ABCA8: variants seen among roughly 807,000 people sequenced by gnomAD.
ABCA8 encodes ATP binding cassette subfamily A member 8.
A neutral mutation model predicts 192.3 loss-of-function variants in ABCA8; 177 were observed. The ratio of observed to expected loss-of-function variants is 0.92; its 90% CI spans 0.81 to 1.04. The LOEUF is 1.04. Among genes scored for constraint, ABCA8 ranks in the 50% least tolerant of loss-of-function variants. The pLI is 0.00. For synonymous variants in ABCA8, 642 were observed against 690.2 expected (o/e 0.93, Z 1.09); for missense variants, 1,915 against 1,904.8 (o/e 1.01, Z -0.10).
At chr17:68,936,683 T>C (rs936700225) in intron 5 of ABCA8, among the ~76,000 whole-genome samples, 1 of 152,084 alleles carries the variant, frequency 6.6e-6, no homozygotes, top group African/African-American at 2.4e-5. Context: ...TTCCATATAA[T>C]ATCTATGTGT....
intron 18 of ABCA8, 46 bp from the exon 19 acceptor site, chr17:68,906,209 T>C: frequency 7.2e-7 from 1 of 1,398,112 alleles, no homozygotes; most frequent in East Asian, 2.5e-5. Flanking sequence ...GAATCACAAG[T>C]GAACTGAAGA....
rs114168936 is a variant in ABCA8, at chr17:68,890,517, A to G, written c.3144+972T>C. Among the ~76,000 whole-genome samples the G allele has an allele frequency of 7.7e-3, 1,173 of 152,052 alleles. 18 individuals carry two copies. Among genetic ancestry groups the G allele is most frequent in the African/African-American group, 0.027 (1,119 of 41,490 alleles). ...TTGCCTTTTATTTTATTTTTAAATT[A>G]TTTAATTAATTTATTTTTTGAGATG... On this transcript the variant is annotated intron_variant, in intron 24 of 39. Transcript: ENST00000586539.
rs569078822 is a variant in ABCA8 at position 68,899,052 on chromosome 17, T to C, written c.2764+3661A>G. ...GTAGATTAAAATAAGATGTACATTC[T>C]AGGCCCAAAAACAATCACCAAGAAC... is the stretch of plus-strand genomic sequence containing the variant. On this transcript the variant is annotated intron_variant, in intron 21 of 39. Transcript: ENST00000586539. 2.5e-4 allele frequency among the ~76,000 whole-genome samples: 38 copies of C among 152,106 alleles called. No homozygotes were observed. In the South Asian group the frequency reaches 5.2e-3, roughly 21 times the overall value.
chr17:68,887,446 G>T lies in ABCA8; in HGVS notation c.3205C>A (p.Gln1069Lys), dbSNP rs1465508757. The T allele has an allele frequency of 3.1e-6, 5 of 1,613,594 alleles. No individual in the cohort carries two copies. Among genetic ancestry groups the T allele is most frequent in the Non-Finnish European group, 4.2e-6 (5 of 1,179,874 alleles). ...GLSPSAYWFG[Q>K]ALVDVSLYFL... ...TACAGGGAAACATCCACCAGCGCCT[G>T]CCCAAACCAGTAAGCAGAAGGGGAG... Residue 1069 changes from glutamine to lysine, a missense_variant, in exon 25 of 40, where the codon CAG (glutamine) becomes AAG (lysine). Coordinates refer to ENST00000586539, the MANE Select transcript of ABCA8 (RefSeq NM_001288985.2).
chr17:68,952,014 CCTT>C (rs1480877501), intron 1 of ABCA8, among the ~76,000 whole-genome samples: 1 of 152,090 alleles, frequency 6.6e-6, no homozygotes, highest in East Asian at 1.9e-4. Context: ...GTTTTCCTCT[CCTT>C]CTTCACTTCT....
intron 25 of ABCA8, 68 bp downstream of exon 25, chr17:68,887,268 C>T: frequency 1.4e-6 from 2 of 1,438,932 alleles, no homozygotes; most frequent in Non-Finnish European, 1.9e-6. Flanking sequence ...AGAAATGTTC[C>T]AAAATTTCAA....
chr17:68,891,904 C>T (rs1436418876), intron 23 of ABCA8, among the ~76,000 whole-genome samples: 1 of 152,158 alleles, frequency 6.6e-6, no homozygotes, highest in Non-Finnish European at 1.5e-5. Flanking sequence ...CATTATAATT[C>T]ACAGTTGATA....
Position 68,885,191 on chromosome 17 carries a change from C to G in ABCA8, c.3549+5G>C. 1 of 1,611,110 alleles carries G rather than the reference C, an allele frequency of 6.2e-7. No homozygotes were observed. Among genetic ancestry groups the G allele is most frequent in the Non-Finnish European group, 8.5e-7 (1 of 1,178,730 alleles). ...GGGACTGGGACAGACTGTGTCATTA[C>G]TTACATGAGAAGATAAGAACAAACA... On this transcript the variant is annotated splice_donor_5th_base_variant and intron_variant, in intron 27 of 39. Transcript: ENST00000586539.
At chr17:68,918,306 A>G (rs1027502833) in intron 15 of ABCA8, 121 bp from the exon 16 acceptor site, 1 of 1,472,458 alleles carries the variant, frequency 6.8e-7, no homozygotes, top group Non-Finnish European at 9.2e-7. Context: ...TAGATACTCT[A>G]TTTAATGTTC....
In ABCA8 at chr17:68,894,311, C is replaced by T; in HGVS notation, c.2899-1G>A. Reference sequence around the variant, plus strand: ...TGCATGCTAACGAAAAGCTGTAATTCTAAAATATAACAAGTAGGATATAAG... The same window carrying T: ...TGCATGCTAACGAAAAGCTGTAATTTTAAAATATAACAAGTAGGATATAAG... On this transcript the variant is annotated splice_acceptor_variant, in intron 22 of 39. Coordinates refer to ENST00000586539, the MANE Select transcript of ABCA8 (RefSeq NM_001288985.2). LOFTEE classifies it high-confidence loss of function. 6.2e-7 allele frequency: 1 copy of T among 1,603,676 alleles called. No individual in the cohort carries two copies. The highest frequency in any genetic ancestry group is 8.5e-7 in the Non-Finnish European group (1 of 1,176,722).
At chr17:68,927,111 T>A (rs1231167813) in intron 10 of ABCA8, among the ~76,000 whole-genome samples, 4 of 151,974 alleles carry the variant, frequency 2.6e-5, no homozygotes, top group Non-Finnish European at 5.9e-5. Flanking sequence ...ACAGAAAAAT[T>A]AGCCAGGCGT....
At chr17:68,888,053 C>CATGTATATAT (rs2143354647) in intron 24 of ABCA8, among the ~76,000 whole-genome samples, 1 of 139,980 alleles carries the variant, frequency 7.1e-6, no homozygotes, top group African/African-American at 2.6e-5. Context: ...ATTTTATATA[C>CATGTATATAT]ACACATATAT....
chr17:68,903,846 A>G (rs879932807), intron 19 of ABCA8, among the ~76,000 whole-genome samples: 21 of 152,138 alleles, frequency 1.4e-4, no homozygotes, highest in Non-Finnish European at 2.9e-4. Flanking sequence ...ACAGGGAGTA[A>G]ACTGTAAATG....
In ABCA8 at chr17:68,875,612, A is replaced by G; in HGVS notation, c.4490+2T>C. 3.1e-6 allele frequency: 5 copies of G among 1,613,730 alleles called. No individual in the cohort carries two copies. Among genetic ancestry groups the G allele is most frequent in the Non-Finnish European group, 4.2e-6 (5 of 1,179,860 alleles). On this transcript the variant is annotated splice_donor_variant, in intron 36 of 39. Coordinates refer to ENST00000586539, the MANE Select transcript of ABCA8 (RefSeq NM_001288985.2). LOFTEE classifies it high-confidence loss of function. ...AAGTGTGGGTCCAGGACAGGCACTC[A>G]CCTCAACCTCCCAGATACCATGATG...
intron 23 of ABCA8, among the ~76,000 whole-genome samples, chr17:68,891,798 G>C (rs2143389071): frequency 6.6e-6 from 1 of 152,256 alleles, no homozygotes; most frequent in South Asian, 2.1e-4. Context: ...TGATTGAAAA[G>C]ATGAATGCAC....
intron 3 of ABCA8, among the ~76,000 whole-genome samples, chr17:68,941,437 AT>A (rs1278339233): frequency 6.6e-6 from 1 of 152,206 alleles, no homozygotes; most frequent in South Asian, 2.1e-4. Context: ...CCAAAGTTTA[AT>A]CAAGATTTTT....
At chr17:68,921,630 T>C (rs2067536672) in intron 12 of ABCA8, 138 bp from the exon 13 acceptor site, 2 of 481,294 alleles carry the variant, frequency 4.2e-6, no homozygotes, top group Non-Finnish European at 7.3e-6. Flanking sequence ...TATATAAATA[T>C]AGTGGGTTGT....
chr17:68,887,313 C>T (rs773241838), intron 25 of ABCA8, 23 bp downstream of exon 25: 2 of 1,564,268 alleles, frequency 1.3e-6, no homozygotes, highest in Non-Finnish European at 1.7e-6. Flanking sequence ...AATATTGTCA[C>T]TTACTTGGAT....
chr17:68,947,042 A>G (rs1414931732), intron 2 of ABCA8, among the ~76,000 whole-genome samples: 1 of 152,222 alleles, frequency 6.6e-6, no homozygotes, highest in African/African-American at 2.4e-5. Context: ...GATTTATTCT[A>G]CAGTTCAATT....
Sources: allele counts gnomAD v4.1 joint callset (sites outside exome capture counted in the v4.1 genomes callset), GRCh38; gene constraint gnomAD v4.1.1; transcripts MANE v1.5; gene names NCBI Gene and HGNC (gene_info 2026-07-23, HGNC 2026-07-21).